The following MREG variants were observed in gnomAD, a reference collection of about 807,000 sequenced individuals.
MREG encodes dilute suppressor protein homolog.
MREG carries 31 observed loss-of-function variants against 28.5 expected under a neutral mutation model. The ratio of observed to expected loss-of-function variants is 1.09; its 90% CI spans 0.82 to 1.47. The LOEUF is 1.47. Among genes scored for constraint, MREG ranks in the 40% most tolerant of loss-of-function variants. The pLI is 0.00. For synonymous variants in MREG, 106 were observed against 95.2 expected, an observed-to-expected ratio of 1.11 and a Z score of -0.66; for missense variants, 256 against 257.4, an observed-to-expected ratio of 0.99 and a Z score of 0.04.
upstream of MREG, chr2:216,013,669 A>C (rs890972533): frequency 2.6e-5 from 4 of 152,280 alleles, no homozygotes; most frequent in Non-Finnish European, 5.9e-5. Context: ...CAGTCCTCAA[A>C]ATCCCAGGGC....
chr2:216,014,113 T>C (rs372793139), upstream of MREG, among the ~76,000 whole-genome samples: 3 of 152,244 alleles, frequency 2.0e-5, no homozygotes, highest in Non-Finnish European at 1.5e-5. Context: ...AACAGCGGCA[T>C]ACTCCACACA....
chr2:216,028,965 C>T (rs776368040), intron 1 of MREG, among the ~76,000 whole-genome samples: 6 of 151,898 alleles, frequency 4.0e-5, no homozygotes, highest in African/African-American at 1.5e-4. Context: ...AAAAGAGAGA[C>T]ACAGTTTTGG....
At chr2:215,978,849 A>C (rs1395606430) in intron 2 of MREG, among the ~76,000 whole-genome samples, 1 of 152,136 alleles carries the variant, frequency 6.6e-6, no homozygotes, top group Non-Finnish European at 1.5e-5. Flanking sequence ...CATGCTAAAA[A>C]CTCTCAATAA....
intron 2 of MREG, among the ~76,000 whole-genome samples, chr2:215,992,783 G>A (rs1390370881): frequency 6.6e-6 from 1 of 152,164 alleles, no homozygotes; most frequent in Non-Finnish European, 1.5e-5. Context: ...GGTAAACAGA[G>A]AGCCAAATCA....
chr2:215,981,792 AAC>A (rs1320394161), intron 2 of MREG, among the ~76,000 whole-genome samples: 3 of 152,224 alleles, frequency 2.0e-5, no homozygotes, highest in Non-Finnish European at 4.4e-5. Flanking sequence ...CAAACTGGAC[AAC>A]AGATAGTATA....
At position 215,995,507 on chromosome 2, in the gene MREG, CCA is replaced by C. The variant is rs1482671448; in HGVS notation, c.255+797_255+798del. 3.1e-4 allele frequency among the ~76,000 whole-genome samples: 42 copies of C among 136,062 alleles called. 1 individual carries two copies. Among genetic ancestry groups the C allele is most frequent in the Middle Eastern group, 7.2e-3 (2 of 276 alleles). 89.3% of individuals were successfully genotyped at this position (136,062 alleles called of 152,430 possible). ...AAGCTCCACAGCACCTCCACCCACC[CCA>C]CCCCCCGCCACCAATATACACACTA... On this transcript the variant is annotated intron_variant, in intron 2 of 4. Coordinates refer to ENST00000263268, the MANE Select transcript of MREG (RefSeq NM_018000.3).
chr2:215,973,992 T>C (rs935020459), intron 2 of MREG, among the ~76,000 whole-genome samples: 4 of 152,226 alleles, frequency 2.6e-5, no homozygotes, highest in Admixed American at 6.5e-5. Context: ...CTCGGGTCCA[T>C]TGAAAATCAC....
chr2:215,964,224 C>T (rs933349015), intron 2 of MREG, among the ~76,000 whole-genome samples: 2 of 152,152 alleles, frequency 1.3e-5, no homozygotes, highest in South Asian at 4.1e-4. Flanking sequence ...TGGCCCACAC[C>T]TGTAATCTCA....
rs1204873022 is a variant in MREG at position 215,943,318 on chromosome 2, A to G, written c.*1545T>C. 4 of 449,802 alleles carry G rather than the reference A, an allele frequency of 8.9e-6. No homozygotes were observed. The highest frequency in any genetic ancestry group is 4.0e-5 in the African/African-American group (2 of 49,922). The allele number at this position is 449,802 out of a possible 1,614,324, so 27.9% of individuals were successfully genotyped here. On this transcript the variant is annotated 3_prime_UTR_variant, in exon 5 of 5. Transcript: ENST00000263268. ...TTTGAAGCTGGACTTCTCAATCTGT[A>G]GAGAGAAGCAAGCTGCATTCACAGC...
intron 1 of MREG, among the ~76,000 whole-genome samples, chr2:216,001,493 C>T (rs939216329): frequency 6.6e-6 from 1 of 152,186 alleles, no homozygotes; most frequent in East Asian, 1.9e-4. Flanking sequence ...CTGACCTGCT[C>T]GTGGCTACGA....
chr2:216,024,882 CA>C (rs1295218041), intron 1 of MREG, among the ~76,000 whole-genome samples: 90 of 48,622 alleles, frequency 1.9e-3, no homozygotes, highest in East Asian at 4.7e-3. Flanking sequence ...GACTCTGTCT[CA>C]AAAAAAAAAA....
intron 2 of MREG, among the ~76,000 whole-genome samples, chr2:215,959,347 T>G (rs141527294): frequency 2.0e-5 from 3 of 151,612 alleles, no homozygotes; most frequent in Non-Finnish European, 4.4e-5. Flanking sequence ...TCCATCATCC[T>G]AAGTCACCCT....
intron 2 of MREG, among the ~76,000 whole-genome samples, chr2:215,977,675 A>G (rs1455921997): frequency 6.6e-6 from 1 of 152,204 alleles, no homozygotes; most frequent in Non-Finnish European, 1.5e-5. Flanking sequence ...ATTATAACAA[A>G]CTGTCTCTCA....
In MREG at chr2:215,996,466, C is replaced by T. The variant is rs969132388; in HGVS notation, c.96-1G>A. 6.2e-6 allele frequency: 10 copies of T among 1,603,224 alleles called. No homozygotes were observed. In the African/African-American group the frequency reaches 9.4e-5, roughly 15 times the overall value. Reference sequence around the variant, plus strand: ...AAATGAGGAATATGGATTGTTATCACTGTTGTATAAAAAAAGGAAAGATTG... The same window carrying T: ...AAATGAGGAATATGGATTGTTATCATTGTTGTATAAAAAAAGGAAAGATTG... On this transcript the variant is annotated splice_acceptor_variant, in intron 1 of 4. Transcript: ENST00000263268. LOFTEE classifies it high-confidence loss of function.
intron 2 of MREG, among the ~76,000 whole-genome samples, chr2:215,971,274 T>C (rs1301220865): frequency 6.6e-6 from 1 of 152,208 alleles, no homozygotes. Context: ...ACCTGCACAT[T>C]CTGCACATGC....
chr2:215,969,337 C>G (rs1304271437), intron 2 of MREG, among the ~76,000 whole-genome samples: 1 of 152,128 alleles, frequency 6.6e-6, no homozygotes, highest in Non-Finnish European at 1.5e-5. Flanking sequence ...AAAGCACTGA[C>G]CCATGATCAA....
At position 216,010,350 on chromosome 2, in the gene MREG, T is replaced by TTC. The variant is rs1559197926; in HGVS notation, c.95+2881_95+2882dup. On this transcript the variant is annotated intron_variant, in intron 1 of 4. Transcript: ENST00000263268. The stretch of plus-strand genomic sequence containing the variant: ...CTTCTAGAACTGTGAAAGAAAAGAT[T>TTC]TCTCTTTTTTTTTTTTTTTTTTTTT... 4.3e-4 allele frequency among the ~76,000 whole-genome samples: 52 copies of TTC among 121,090 alleles called. 1 individual carries two copies. Among genetic ancestry groups the TTC allele is most frequent in the Non-Finnish European group, 3.8e-4 (22 of 57,646 alleles). 79.4% of individuals were successfully genotyped at this position (121,090 alleles called of 152,430 possible).
At chr2:216,017,152 TGTTA>T (rs1369899000), upstream of MREG, among the ~76,000 whole-genome samples, 1 of 152,172 alleles carries the variant, frequency 6.6e-6, no homozygotes, top group Non-Finnish European at 1.5e-5. Context: ...GTGCTGTTAT[TGTTA>T]GTGAGTTTTG....
At chr2:215,951,818 C>T (rs1217148930) in intron 2 of MREG, among the ~76,000 whole-genome samples, 1 of 152,182 alleles carries the variant, frequency 6.6e-6, no homozygotes, top group Non-Finnish European at 1.5e-5. Context: ...AGCTTTCAAT[C>T]CCCGGGAGCT....
Sources: allele counts gnomAD v4.1 joint callset (sites outside exome capture counted in the v4.1 genomes callset), GRCh38; gene constraint gnomAD v4.1.1; transcripts MANE v1.5; gene names NCBI Gene and HGNC (gene_info 2026-07-23, HGNC 2026-07-21).